CD3D: variants seen among roughly 807,000 people sequenced by gnomAD.
The protein encoded by CD3D is CD3 delta subunit of T-cell receptor complex.
CD3D carries 22 observed loss-of-function variants against 22.0 expected under a neutral mutation model. That is an observed-to-expected ratio of 1.00 (90% CI 0.71 to 1.43). The LOEUF (loss-of-function observed/expected upper bound fraction) is 1.43, where lower values mean the gene tolerates loss of function less well. Ranked by LOEUF, CD3D falls within the 40% of genes most tolerant of loss-of-function variation. The pLI, the probability that CD3D is intolerant of heterozygous loss-of-function variation, is 0.00. For synonymous variants in CD3D, 74 were observed against 81.2 expected (o/e 0.91, Z 0.48); for missense variants, 205 against 211.7 (o/e 0.97, Z 0.20).
At chr11:118,338,990 C>G (rs1267097069), downstream of CD3D, 2 of 707,138 alleles carry the variant, frequency 2.8e-6, no homozygotes, top group East Asian at 2.6e-5. Flanking sequence ...AAGGAAGAAA[C>G]AGGTAGGTAG....
chr11:118,342,513 C>T (rs769547701), intron 1 of CD3D, 40 bp downstream of exon 1: 6 of 1,581,664 alleles, frequency 3.8e-6, no homozygotes, highest in Non-Finnish European at 5.2e-6. Context: ...AGTAATGTCC[C>T]TCTCAGGTCC....
intron 4 of CD3D, 29 bp downstream of exon 4, chr11:118,339,422 A>G: frequency 6.2e-7 from 1 of 1,613,192 alleles, no homozygotes; most frequent in Non-Finnish European, 8.5e-7. Flanking sequence ...CCCTCCCTTC[A>G]TTCCTGCCTC....
chr11:118,341,918 G>A (rs1948303063), intron 1 of CD3D, among the ~76,000 whole-genome samples: 2 of 152,184 alleles, frequency 1.3e-5, no homozygotes, highest in South Asian at 4.1e-4. Flanking sequence ...TGATTCCAGA[G>A]GCCATCAGGC....
intron 1 of CD3D, 34 bp from the exon 2 acceptor site, chr11:118,340,627 C>T (rs762667054): frequency 5.6e-6 from 8 of 1,437,086 alleles, no homozygotes; most frequent in Non-Finnish European, 6.8e-6. Context: ...TTGGAGACAG[C>T]TCTTTGATCT....
chr11:118,339,966 T>C, intron 2 of CD3D, 60 bp from the exon 3 acceptor site: 3 of 1,606,072 alleles, frequency 1.9e-6, no homozygotes, highest in Non-Finnish European at 2.6e-6. Flanking sequence ...GGAACCATCC[T>C]CTGCCTCCTA....
At chr11:118,339,262 G>C (rs1441071867) in intron 4 of CD3D, 35 bp from the exon 5 acceptor site, 3 of 1,594,908 alleles carry the variant, frequency 1.9e-6, no homozygotes, top group Non-Finnish European at 2.6e-6. Context: ...TCAGGAGGCA[G>C]GGTTAGAACT....
intron 1 of CD3D, 193 bp from the exon 2 acceptor site, chr11:118,340,786 C>T (rs1948293364): frequency 1.5e-6 from 1 of 685,732 alleles, no homozygotes; most frequent in South Asian, 1.5e-5. Context: ...TCAAGGGGGA[C>T]ATGAGGATGC....
Position 118,339,221 on chromosome 11 carries a change from G to A in CD3D, c.457C>T (p.Arg153Ter), listed in dbSNP as rs201994476. 1.7e-5 allele frequency: 28 copies of A among 1,613,740 alleles called. No individual in the cohort carries two copies. The highest frequency in any genetic ancestry group is 2.2e-5 in the East Asian group (1 of 44,886). Residue 153 changes from arginine (R) to a stop codon, truncating the protein, a stop_gained, in exon 5 of 5, where the codon CGA becomes TGA. Coordinates refer to ENST00000300692, the MANE Select transcript of CD3D (RefSeq NM_000732.6). LOFTEE classifies it high-confidence loss of function. ...LRNDQVYQPL[R>*]DRDDAQYSHL... ...CTGTACTGAGCATCATCTCGATCTC[G>A]GAGGGGCTAAGAGAGGAGAAGAGAA... is the stretch of plus-strand genomic sequence containing the variant.
In CD3D at chr11:118,340,491, G is replaced by A. The variant is rs1385094145; in HGVS notation, c.158C>T (p.Ser53Leu). ...WVEGTVGTLL[S>L]DITRLDLGKR... ...TCCCAGGTCCAGTCTTGTAATGTCT[G>A]AGAGCAGTGTTCCCACCGTTCCCTC... Residue 53 changes from serine (S) to leucine (L), a missense_variant, in exon 2 of 5, where the codon TCA becomes TTA. Coordinates refer to ENST00000300692, the MANE Select transcript of CD3D (RefSeq NM_000732.6). 6.2e-7 allele frequency: 1 copy of A among 1,613,962 alleles called. No individual in the cohort carries two copies. Among genetic ancestry groups the A allele is most frequent in the Admixed American group, 1.7e-5 (1 of 60,012 alleles).
At chr11:118,339,689 C>G in intron 3 of CD3D, 86 bp downstream of exon 3, 1 of 1,590,548 alleles carries the variant, frequency 6.3e-7, no homozygotes, top group Non-Finnish European at 8.6e-7. Flanking sequence ...CATTCCTTAG[C>G]TGGTGCATAA....
At chr11:118,341,446 CAT>C (rs2134060745) in intron 1 of CD3D, among the ~76,000 whole-genome samples, 1 of 152,330 alleles carries the variant, frequency 6.6e-6, no homozygotes, top group African/African-American at 2.4e-5. Context: ...GTGGAGGCTA[CAT>C]TCATTCATCC....
At chr11:118,339,585 T>C in intron 3 of CD3D, 91 bp from the exon 4 acceptor site, 1 of 1,575,646 alleles carries the variant, frequency 6.3e-7, no homozygotes, top group South Asian at 1.1e-5. Context: ...ATGAGTGATA[T>C]GAACACACAA....
At chr11:118,339,284 G>A (rs1309967780) in intron 4 of CD3D, 57 bp from the exon 5 acceptor site, 5 of 1,545,570 alleles carry the variant, frequency 3.2e-6, no homozygotes, top group Non-Finnish European at 4.5e-6. Flanking sequence ...TTCAAGGAAG[G>A]GCCCCAGCAG....
chr11:118,342,507 A>G (rs1948308164), intron 1 of CD3D, 46 bp downstream of exon 1: 1 of 1,546,090 alleles, frequency 6.5e-7, no homozygotes, highest in African/African-American at 1.4e-5. Flanking sequence ...CCCATCAGTA[A>G]TGTCCCTCTC....
chr11:118,341,859 G>A (rs574464150), intron 1 of CD3D, among the ~76,000 whole-genome samples: 1 of 152,316 alleles, frequency 6.6e-6, no homozygotes, highest in Non-Finnish European at 1.5e-5. Flanking sequence ...ATAAGTGCTA[G>A]GACATGCCTC....
In CD3D at chr11:118,340,001, C is replaced by T. The variant is rs1948285948; in HGVS notation, c.275-95G>A. On this transcript the variant is annotated intron_variant, in intron 2 of 4. Coordinates refer to ENST00000300692, the MANE Select transcript of CD3D (RefSeq NM_000732.6). ...AGGGCAACCCTTAGATCTCTTATGC[C>T]AAAACCCAAACTTCAATAAGACCCT... The T allele has an allele frequency of 2.0e-6, 3 of 1,476,864 alleles. No individual in the cohort carries two copies. In the Admixed American group the frequency reaches 5.1e-5, roughly 25 times the overall value. 91.5% of individuals were successfully genotyped at this position (1,476,864 alleles called of 1,614,324 possible). A position where few individuals can be genotyped will look rare whatever the true frequency, so the allele number is the denominator to read the frequency against.
In CD3D at chr11:118,340,461, C is replaced by T. The variant is rs374700153; in HGVS notation, c.188G>A (p.Arg63His). Residue 63 changes from arginine (R) to histidine (H), a missense_variant, in exon 2 of 5, where the codon CGC becomes CAC. Coordinates refer to ENST00000300692, the MANE Select transcript of CD3D (RefSeq NM_000732.6). ...SDITRLDLGK[R>H]ILDPRGIYRC... ...ATATATTCCTCGTGGGTCCAGGATG[C>T]GTTTTCCCAGGTCCAGTCTTGTAAT... 9 of 1,613,970 alleles carry T rather than the reference C, an allele frequency of 5.6e-6. No individual in the cohort carries two copies. The East Asian group carries it at 1.1e-4, about 20-fold the overall frequency.
chr11:118,340,847 C>G (rs1213641676), intron 1 of CD3D: 3 of 646,276 alleles, frequency 4.6e-6, no homozygotes, highest in Non-Finnish European at 8.6e-6. Flanking sequence ...GAGGACCCCT[C>G]AGAGCAGGAT....
Position 118,339,945 on chromosome 11 carries a change from T to C in CD3D, c.275-39A>G, listed in dbSNP as rs768851124. 1.9e-6 allele frequency: 3 copies of C among 1,613,474 alleles called. No individual in the cohort carries two copies. The South Asian group carries it at 3.3e-5, about 18-fold the overall frequency. On this transcript the variant is annotated intron_variant, in intron 2 of 4. Coordinates refer to ENST00000300692, the MANE Select transcript of CD3D (RefSeq NM_000732.6). Reference sequence around the variant, plus strand: ...GAGGAGAGAGGAGAGGTTGAGAGCCTTTAAGATCAGGGAACCATCCTCTGC... The same window carrying C: ...GAGGAGAGAGGAGAGGTTGAGAGCCCTTAAGATCAGGGAACCATCCTCTGC...
Sources: gnomAD v4.1 joint callset for allele counts (sites outside exome capture counted in the v4.1 genomes callset) on GRCh38, gnomAD v4.1.1 for gene constraint, MANE v1.5 for transcripts, NCBI Gene and HGNC (gene_info 2026-07-23, HGNC 2026-07-21) for gene names.